ZNF461: variants seen among roughly 807,000 people sequenced by gnomAD.
The protein encoded by ZNF461 is gonadotropin-inducible ovarian transcription factor-1.
Under a neutral mutation model 18.3 loss-of-function variants are expected in ZNF461, and 16 were observed. The observed-to-expected ratio is 0.88, with a 90% confidence interval of 0.59 to 1.33. The LOEUF (loss-of-function observed/expected upper bound fraction) is 1.33, where lower values mean the gene tolerates loss of function less well. Among genes scored for constraint, ZNF461 ranks in the 40% most tolerant of loss-of-function variants. ZNF461 has a pLI of 0.00. For synonymous variants in ZNF461, 179 were observed against 216.9 expected (o/e 0.83, Z 1.54); for missense variants, 595 against 669.9 (o/e 0.89, Z 1.23).
intron 4 of ZNF461, among the ~76,000 whole-genome samples, 178 bp downstream of exon 4, chr19:36,656,270 C>T (rs560408420): frequency 6.6e-6 from 1 of 152,346 alleles, no homozygotes; most frequent in Admixed American, 6.5e-5. Context: ...CAGGCGTGAG[C>T]CACCGCGCCC....
intron 4 of ZNF461, among the ~76,000 whole-genome samples, chr19:36,648,866 C>T (rs891391403): frequency 6.6e-6 from 1 of 152,172 alleles, no homozygotes; most frequent in Non-Finnish European, 1.5e-5. Context: ...CAGTCATGAG[C>T]CACCGTGCCC....
intron 5 of ZNF461, among the ~76,000 whole-genome samples, chr19:36,641,397 T>A (rs918190190): frequency 1.3e-5 from 2 of 151,892 alleles, no homozygotes; most frequent in African/African-American, 4.8e-5. Flanking sequence ...CGGATGCCTG[T>A]AATCCCAGCT....
At chr19:36,644,310 C>G (rs2037481984) in intron 4 of ZNF461, among the ~76,000 whole-genome samples, 2 of 151,994 alleles carry the variant, frequency 1.3e-5, no homozygotes, top group Non-Finnish European at 2.9e-5. Flanking sequence ...GCTCTGTCCC[C>G]CGGGCTGGAG....
chr19:36,656,596 C>G (rs1372359422), intron 3 of ZNF461, 53 bp from the exon 4 acceptor site: 3 of 1,400,506 alleles, frequency 2.1e-6, no homozygotes, highest in Admixed American at 1.7e-5. Context: ...TATCCAAATA[C>G]AGTGATTTAG....
At chr19:36,647,562 A>G in intron 4 of ZNF461, among the ~76,000 whole-genome samples, 1 of 152,076 alleles carries the variant, frequency 6.6e-6, no homozygotes, top group Non-Finnish European at 1.5e-5. Flanking sequence ...ATAAATAAAT[A>G]AATAACATTC....
At chr19:36,657,413 AG>A (rs1237454834) in intron 3 of ZNF461, among the ~76,000 whole-genome samples, 5 of 151,738 alleles carry the variant, frequency 3.3e-5, no homozygotes, top group African/African-American at 7.3e-5. Context: ...CCTGGGAGGC[AG>A]AGGTTGCAGT....
chr19:36,661,847 T>C (rs2145415874), intron 2 of ZNF461, among the ~76,000 whole-genome samples: 1 of 152,294 alleles, frequency 6.6e-6, no homozygotes, highest in South Asian at 2.1e-4. Flanking sequence ...TTGTAAATTC[T>C]TTCCACATTT....
At chr19:36,652,007 C>T (rs1054533571) in intron 4 of ZNF461, among the ~76,000 whole-genome samples, 2 of 151,954 alleles carry the variant, frequency 1.3e-5, no homozygotes, top group African/African-American at 4.8e-5. Flanking sequence ...ACAGAGAATG[C>T]AGAAAGAGAG....
intron 2 of ZNF461, among the ~76,000 whole-genome samples, chr19:36,662,599 T>A (rs1284715218): frequency 6.6e-6 from 1 of 152,220 alleles, no homozygotes; most frequent in Non-Finnish European, 1.5e-5. Context: ...TGTTTCAATA[T>A]GCAATGCTAT....
Position 36,638,896 on chromosome 19 carries a change from G to T in ZNF461, c.1449C>A (p.His483Gln). The T allele has an allele frequency of 6.3e-7, 1 of 1,598,882 alleles. No individual in the cohort carries two copies. Among genetic ancestry groups the T allele is most frequent in the Non-Finnish European group, 8.5e-7 (1 of 1,172,152 alleles). The part of the protein sequence containing the change: ...ICGKAFRLHS[H>Q]LIQHQRIHTG... Reference sequence around the variant, plus strand: ...TATGAATTCTTTGATGTTGAATAAGGTGTGAATGAAGTCTAAAGGCCTTAC... The same window carrying T: ...TATGAATTCTTTGATGTTGAATAAGTTGTGAATGAAGTCTAAAGGCCTTAC... The change falls in exon 6 of 6, where the codon CAC becomes CAA. Residue 483 changes from histidine (H) to glutamine (Q), a missense_variant. His to Gln is a conservative substitution (Grantham distance 24, BLOSUM62 0). Transcript: ENST00000588268.
intron 2 of ZNF461, 192 bp from the exon 3 acceptor site, chr19:36,658,617 TTTTCTGC>T: frequency 2.2e-6 from 1 of 456,168 alleles, no homozygotes. Context: ...AAACAATTCA[TTTTCTGC>T]AGACACATCT....
In ZNF461 at chr19:36,656,551, T is replaced by C. The variant is rs2037724159; in HGVS notation, c.137-8A>G. On this transcript the variant is annotated splice_region_variant and splice_polypyrimidine_tract_variant and intron_variant, in intron 3 of 5. Transcript: ENST00000588268. ...GCTTAGAAACAGAAAGTCCTAGTTATAAGAAAAGAAATTGAGATGAGATGG... is the reference window on the plus strand; with the variant it reads ...GCTTAGAAACAGAAAGTCCTAGTTACAAGAAAAGAAATTGAGATGAGATGG... 6.2e-7 allele frequency: 1 copy of C among 1,608,200 alleles called. No homozygotes were observed. Among genetic ancestry groups the C allele is most frequent in the Non-Finnish European group, 8.5e-7 (1 of 1,175,078 alleles).
Position 36,647,342 on chromosome 19 carries a change from C to G in ZNF461, c.233-3480G>C, listed in dbSNP as rs147769667. Among the ~76,000 whole-genome samples, 61 of 152,234 alleles carry G rather than the reference C, an allele frequency of 4.0e-4. 1 individual carries two copies. The East Asian group carries it at 9.3e-3, about 23-fold the overall frequency. ...ATCACTTGAGGTCAGTAGTTTGAGA[C>G]CTGCCTGGCCAACATGGTTAAACCC... On this transcript the variant is annotated intron_variant, in intron 4 of 5. Coordinates refer to ENST00000588268, the MANE Select transcript of ZNF461 (RefSeq NM_153257.5).
chr19:36,658,456 A>T, intron 2 of ZNF461, 31 bp from the exon 3 acceptor site: 1 of 1,548,432 alleles, frequency 6.5e-7, no homozygotes, highest in Non-Finnish European at 8.7e-7. Flanking sequence ...ACTATTTTTG[A>T]AATTATAAGA....
chr19:36,659,058 A>G (rs2037774064), intron 2 of ZNF461, among the ~76,000 whole-genome samples: 1 of 152,180 alleles, frequency 6.6e-6, no homozygotes, highest in Admixed American at 6.5e-5. Context: ...TTAGATCACA[A>G]AAACGTCTCA....
chr19:36,661,865 T>G (rs886491371), intron 2 of ZNF461, among the ~76,000 whole-genome samples: 1 of 152,160 alleles, frequency 6.6e-6, no homozygotes, highest in African/African-American at 2.4e-5. Flanking sequence ...TTTCCAAGTA[T>G]TTCTTTTTTA....
intron 4 of ZNF461, among the ~76,000 whole-genome samples, chr19:36,654,292 G>A (rs2037678807): frequency 6.6e-6 from 1 of 152,012 alleles, no homozygotes; most frequent in Non-Finnish European, 1.5e-5. Flanking sequence ...GTTTCCTAGG[G>A]CTGCCATTAA....
In ZNF461 at chr19:36,638,683, G is replaced by C; in HGVS notation, c.1662C>G (p.Leu554=). ...HTGEKPVRFP[L]LPPHPSLAS Reference sequence around the variant, plus strand: ...ATGCTAGACTAGGATGGGGAGGGAGGAGAGGAAACCTGACTGGCTTCTCGC... The same window carrying C: ...ATGCTAGACTAGGATGGGGAGGGAGCAGAGGAAACCTGACTGGCTTCTCGC... The change falls in exon 6 of 6, where the codon CTC becomes CTG. Residue 554 remains leucine (L), a synonymous_variant. Transcript: ENST00000588268. The C allele has an allele frequency of 6.2e-7, 1 of 1,611,960 alleles. No homozygotes were observed. Among genetic ancestry groups the C allele is most frequent in the Non-Finnish European group, 8.5e-7 (1 of 1,178,678 alleles).
At chr19:36,654,411 G>T (rs1340786950) in intron 4 of ZNF461, among the ~76,000 whole-genome samples, 1 of 152,110 alleles carries the variant, frequency 6.6e-6, no homozygotes, top group Admixed American at 6.5e-5. Context: ...CTGTTACCCA[G>T]ACTAGAGTGC....
Sources: gnomAD v4.1 joint callset for allele counts (sites outside exome capture counted in the v4.1 genomes callset) on GRCh38, gnomAD v4.1.1 for gene constraint, MANE v1.5 for transcripts, NCBI Gene and HGNC (gene_info 2026-07-23, HGNC 2026-07-21) for gene names.